FOXN3: variants seen among roughly 807,000 people sequenced by gnomAD.
FOXN3 encodes the protein forkhead box N3.
Under a neutral mutation model 38.4 loss-of-function variants are expected in FOXN3, and 7 were observed. That is an observed-to-expected ratio of 0.18 (90% CI 0.10 to 0.34). The LOEUF (loss-of-function observed/expected upper bound fraction) is 0.34. Ranked by LOEUF, FOXN3 falls within the 10% of genes least tolerant of loss-of-function variation. The probability of loss-of-function intolerance (pLI) is 1.00; values close to 1 mark genes in which losing one functional copy is unlikely to be tolerated. For synonymous variants in FOXN3, 230 were observed against 242.2 expected (o/e 0.95, Z 0.47); for missense variants, 456 against 613.4 (o/e 0.74, Z 2.71).
At chr14:89,465,237 T>C (rs779698589) in intron 1 of FOXN3, among the ~76,000 whole-genome samples, 2 of 151,960 alleles carry the variant, frequency 1.3e-5, no homozygotes, top group African/African-American at 4.8e-5. Context: ...TTTTTTGTTT[T>C]GTTTTGTTTT....
chr14:89,215,331 A>G (rs1339086772), intron 4 of FOXN3, among the ~76,000 whole-genome samples: 1 of 141,094 alleles, frequency 7.1e-6, no homozygotes, highest in Non-Finnish European at 1.5e-5. Flanking sequence ...ATTTCTTCAG[A>G]GTTAGGAGAA....
chr14:89,208,664 G>A (rs1888447544), intron 4 of FOXN3, among the ~76,000 whole-genome samples: 1 of 152,184 alleles, frequency 6.6e-6, no homozygotes, highest in South Asian at 2.1e-4. Context: ...TGAACTGTCT[G>A]TGGGGAAATG....
chr14:89,351,624 T>G (rs1276735884), intron 2 of FOXN3, among the ~76,000 whole-genome samples: 1 of 152,236 alleles, frequency 6.6e-6, no homozygotes, highest in East Asian at 1.9e-4. Flanking sequence ...CCCCCGGAAC[T>G]GGCAGCAGGC....
At chr14:89,342,203 T>C (rs781270805) in intron 3 of FOXN3, among the ~76,000 whole-genome samples, 37 of 152,198 alleles carry the variant, frequency 2.4e-4, no homozygotes, top group Non-Finnish European at 3.7e-4. Flanking sequence ...TTTGACTCAG[T>C]ACCTGAGTAA....
At chr14:89,332,867 A>G (rs935300580) in intron 3 of FOXN3, among the ~76,000 whole-genome samples, 4 of 152,364 alleles carry the variant, frequency 2.6e-5, no homozygotes, top group Admixed American at 6.5e-5. Context: ...AAACAAAACA[A>G]AACAAAAAAC....
chr14:89,585,240 AT>A (rs1895819853), intron 1 of FOXN3, among the ~76,000 whole-genome samples: 1 of 152,100 alleles, frequency 6.6e-6, no homozygotes, highest in Non-Finnish European at 1.5e-5. Context: ...TTCGAATTCT[AT>A]TGATCCTTCA....
rs1891496922 is a variant in FOXN3, at chr14:89,409,908, C to T, written c.543+2026G>A. The stretch of plus-strand genomic sequence containing the variant: ...GCTTCATGGTCAAGGAAATTCCTCT[C>T]CCTGATTAAAGGGGCATACTTTGAT... On this transcript the variant is annotated intron_variant, in intron 2 of 5. Coordinates refer to ENST00000557258, the MANE Select transcript of FOXN3 (RefSeq NM_005197.4). Among the ~76,000 whole-genome samples, 4 of 152,250 alleles carry T rather than the reference C, an allele frequency of 2.6e-5. No individual in the cohort carries two copies. The South Asian group carries it at 8.3e-4, about 32-fold the overall frequency.
intron 1 of FOXN3, chr14:89,576,152 G>T (rs1201975068): frequency 6.6e-6 from 1 of 152,222 alleles, no homozygotes; most frequent in Non-Finnish European, 1.5e-5. Flanking sequence ...TATCAAAACA[G>T]CCACGTGCTC....
intron 3 of FOXN3, among the ~76,000 whole-genome samples, chr14:89,337,318 C>T (rs1355246952): frequency 2.0e-5 from 3 of 152,002 alleles, no homozygotes; most frequent in African/African-American, 4.8e-5. Context: ...TGGGAGGAGC[C>T]GGGCTTTGTT....
chr14:89,580,896 G>A (rs1047323882), intron 1 of FOXN3, among the ~76,000 whole-genome samples: 3 of 152,056 alleles, frequency 2.0e-5, no homozygotes, highest in East Asian at 3.9e-4. Context: ...AGAATAGGGG[G>A]AAATGGCCAG....
At chr14:89,279,227 T>C (rs914137924) in intron 4 of FOXN3, among the ~76,000 whole-genome samples, 1 of 152,166 alleles carries the variant, frequency 6.6e-6, no homozygotes, top group African/African-American at 2.4e-5. Context: ...GCATCTGAAA[T>C]CTGTACTAGT....
Position 89,360,790 on chromosome 14 carries a change from CCACCACCACCTCCAG to C in FOXN3, c.544-9997_544-9983del, listed in dbSNP as rs1566966512. On this transcript the variant is annotated intron_variant, in intron 2 of 5. Transcript: ENST00000557258. ...ACTACCACCTCCACCACCACCTCCA[CCACCACCACCTCCAG>C]CACCACCTCCACCACCACCTCCACC... Among the ~76,000 whole-genome samples the C allele has an allele frequency of 4.7e-3, 313 of 66,934 alleles. 2 individuals are homozygous for C. Among genetic ancestry groups the C allele is most frequent in the Non-Finnish European group, 6.1e-3 (199 of 32,384 alleles). 43.9% of individuals were successfully genotyped at this position (66,934 alleles called of 152,430 possible).
chr14:89,325,329 C>CACG (rs1566956873), intron 3 of FOXN3, among the ~76,000 whole-genome samples: 4 of 134,008 alleles, frequency 3.0e-5, no homozygotes, highest in African/African-American at 6.9e-5. Context: ...CCACCACCAC[C>CACG]ACCACCACCA....
At chr14:89,616,407 G>T (rs2139962552) in intron 1 of FOXN3, among the ~76,000 whole-genome samples, 1 of 152,200 alleles carries the variant, frequency 6.6e-6, no homozygotes, top group East Asian at 1.9e-4. Flanking sequence ...TGGGATTTTT[G>T]AAACAGTTCT....
At chr14:89,559,615 G>A (rs1036608417) in intron 1 of FOXN3, among the ~76,000 whole-genome samples, 7 of 152,238 alleles carry the variant, frequency 4.6e-5, no homozygotes, top group Middle Eastern at 6.8e-3. Flanking sequence ...GGCGGAGGTT[G>A]CAGTGAGCCA....
intron 3 of FOXN3, among the ~76,000 whole-genome samples, chr14:89,345,923 G>A (rs1888746912): frequency 1.3e-5 from 2 of 152,136 alleles, no homozygotes; most frequent in Non-Finnish European, 2.9e-5. Context: ...CTTCATGGTA[G>A]GTGCCTGTAA....
chr14:89,337,824 T>A (rs1888509805), intron 3 of FOXN3, among the ~76,000 whole-genome samples: 1 of 152,106 alleles, frequency 6.6e-6, no homozygotes, highest in South Asian at 2.1e-4. Context: ...GGGATGGGGT[T>A]TCACCATGTT....
intron 4 of FOXN3, among the ~76,000 whole-genome samples, chr14:89,226,175 TA>T (rs138507883): frequency 0.31 from 33,027 of 108,080 alleles, 4,488 homozygotes; most frequent in South Asian, 0.4. Context: ...CAAGGAGACA[TA>T]AAAAAAAAAA....
At chr14:89,309,182 T>C (rs973419927) in intron 3 of FOXN3, among the ~76,000 whole-genome samples, 1 of 152,206 alleles carries the variant, frequency 6.6e-6, no homozygotes, top group African/African-American at 2.4e-5. Context: ...ATTCAATCTC[T>C]CCAGGGCCTC....
Sources: allele counts gnomAD v4.1 joint callset (sites outside exome capture counted in the v4.1 genomes callset), GRCh38; gene constraint gnomAD v4.1.1; transcripts MANE v1.5; gene names NCBI Gene and HGNC (gene_info 2026-07-23, HGNC 2026-07-21).